The following NHSL1 variants were observed in gnomAD, a reference collection of about 807,000 sequenced individuals.
NHSL1 encodes NHS like 1, also known as NHS-like protein 1.
A neutral mutation model predicts 95.0 loss-of-function variants in NHSL1; 48 were observed. The ratio of observed to expected loss-of-function variants is 0.51; its 90% confidence interval spans 0.40 to 0.64. The LOEUF (loss-of-function observed/expected upper bound fraction) is 0.64. NHSL1 is among the 30% of genes least tolerant of loss of function. The pLI is 0.00. For missense variants in NHSL1, 1,971 were observed against 2,077.7 expected (o/e 0.95, Z 1.00); for synonymous variants, 783 against 833.9 (o/e 0.94, Z 1.05).
intron 1 of NHSL1, among the ~76,000 whole-genome samples, chr6:138,641,705 T>C (rs1784961821): frequency 6.6e-6 from 1 of 151,502 alleles, no homozygotes; most frequent in African/African-American, 2.4e-5. Context: ...CATCACTACC[T>C]TCCCAGGAAT....
rs1267828753 is a variant in NHSL1 at position 138,623,457 on chromosome 6, T to C, written c.96+69019A>G. Among the ~76,000 whole-genome samples, 3 of 152,194 alleles carry C rather than the reference T, an allele frequency of 2.0e-5. 1 individual carries two copies. The highest frequency in any genetic ancestry group is 7.2e-5 in the African/African-American group (3 of 41,434). ...GTGTACAACATGAAGTTTTGATATA[T>C]GTATATATTATAGAATGCTAAATCA... is the stretch of plus-strand genomic sequence containing the variant. On this transcript the variant is annotated intron_variant, in intron 1 of 3. Transcript: ENST00000491526.
At chr6:138,492,080 C>T (rs1389053980) in intron 2 of NHSL1, among the ~76,000 whole-genome samples, 2 of 152,188 alleles carry the variant, frequency 1.3e-5, no homozygotes, top group Non-Finnish European at 2.9e-5. Context: ...TTATCAAAGT[C>T]TCCAGAGACT....
chr6:138,464,800 C>T (rs944910812), intron 3 of NHSL1, among the ~76,000 whole-genome samples: 1 of 146,580 alleles, frequency 6.8e-6, no homozygotes, highest in Non-Finnish European at 1.5e-5. Flanking sequence ...GCAACCTCTG[C>T]CTCGCAGGTT....
Position 138,484,864 on chromosome 6 carries a change from A to T in NHSL1, c.211+11355T>A, listed in dbSNP as rs540248298. On this transcript the variant is annotated intron_variant, in intron 2 of 7. Transcript: ENST00000343505. ...TTCATTGCACACCATGGCAAGAATTATTATTAAAATGTCATTTGCCATTGC... is the reference window on the plus strand; with the variant it reads ...TTCATTGCACACCATGGCAAGAATTTTTATTAAAATGTCATTTGCCATTGC... 1.1e-4 allele frequency among the ~76,000 whole-genome samples: 16 copies of T among 152,206 alleles called. No individual in the cohort carries two copies. In the South Asian group the frequency reaches 3.1e-3, roughly 30 times the overall value.
intron 1 of NHSL1, among the ~76,000 whole-genome samples, chr6:138,570,400 C>T (rs955269908): frequency 4.6e-5 from 7 of 152,190 alleles, no homozygotes; most frequent in East Asian, 1.9e-4. Context: ...GTAAAGTTCA[C>T]GGACTTACTA....
intron 1 of NHSL1, chr6:138,651,007 A>G (rs1449120148): frequency 2.2e-6 from 1 of 457,662 alleles, no homozygotes; most frequent in Non-Finnish European, 4.3e-6. Flanking sequence ...CCTTAATTAA[A>G]GCAAGTTCGA....
At chr6:138,446,180 C>G (rs927436460) in intron 4 of NHSL1, among the ~76,000 whole-genome samples, 1 of 151,944 alleles carries the variant, frequency 6.6e-6, no homozygotes, top group East Asian at 1.9e-4. Flanking sequence ...TGGGATTACA[C>G]GCACGTGCCA....
intron 1 of NHSL1, among the ~76,000 whole-genome samples, chr6:138,619,947 CAAA>C (rs11376703): frequency 6.9e-4 from 71 of 102,178 alleles, no homozygotes; most frequent in African/African-American, 1.5e-3. Context: ...AACTCTATCA[CAAA>C]AAAAAAAAAA....
In NHSL1 at chr6:138,531,214, G is replaced by A. The variant is rs557399334; in HGVS notation, c.16+14409C>T. Among the ~76,000 whole-genome samples, 21 of 152,214 alleles carry A rather than the reference G, an allele frequency of 1.4e-4. No homozygotes were observed. The South Asian group carries it at 3.5e-3, about 26-fold the overall frequency. ...TAAGATATAAATCAAAAATTAAACT[G>A]TTTGTCTGCATTTTCTTGAATGGGT... On this transcript the variant is annotated intron_variant, in intron 1 of 4. Transcript: ENST00000342260.
At chr6:138,590,211 T>C (rs1336730853) in intron 1 of NHSL1, among the ~76,000 whole-genome samples, 1 of 152,186 alleles carries the variant, frequency 6.6e-6, no homozygotes, top group Non-Finnish European at 1.5e-5. Context: ...TTGGCCAGGC[T>C]GGTCTCAAAC....
intron 1 of NHSL1, among the ~76,000 whole-genome samples, chr6:138,620,004 C>G (rs1165657623): frequency 6.9e-6 from 1 of 144,188 alleles, no homozygotes; most frequent in Non-Finnish European, 1.5e-5. Flanking sequence ...CAAACAAAAG[C>G]AAAAACAAAA....
At chr6:138,473,207 A>C in intron 3 of NHSL1, 99 bp downstream of exon 3, 2 of 1,085,158 alleles carry the variant, frequency 1.8e-6, no homozygotes, top group Non-Finnish European at 1.2e-6. Flanking sequence ...CTATTGATTA[A>C]AATACAGGCT....
chr6:138,629,159 A>G (rs1214394988), intron 1 of NHSL1, among the ~76,000 whole-genome samples: 1 of 152,216 alleles, frequency 6.6e-6, no homozygotes, highest in Admixed American at 6.5e-5. Flanking sequence ...TATTCTCCTT[A>G]TAATGTAACT....
chr6:138,576,579 A>G (rs1481403131), upstream of NHSL1, among the ~76,000 whole-genome samples: 1 of 152,160 alleles, frequency 6.6e-6, no homozygotes, highest in Non-Finnish European at 1.5e-5. Flanking sequence ...GCTGAGCTTC[A>G]GGCCTTAGGA....
At position 138,446,997 on chromosome 6, in the gene NHSL1, G is replaced by C. The variant is rs775618818; in HGVS notation, c.532+4C>G. 6.4e-7 allele frequency: 1 copy of C among 1,551,214 alleles called. No individual in the cohort carries two copies. Among genetic ancestry groups the C allele is most frequent in the Non-Finnish European group, 8.7e-7 (1 of 1,146,686 alleles). On this transcript the variant is annotated splice_donor_region_variant and intron_variant, in intron 4 of 7. Transcript: ENST00000343505. ...TCTGAACCTGTCTGGCTAGCAAAGC[G>C]TACCAGTTATGTTAATAGGCACCAC...
At chr6:138,533,576 T>A (rs1335630982) in intron 1 of NHSL1, among the ~76,000 whole-genome samples, 1 of 152,156 alleles carries the variant, frequency 6.6e-6, no homozygotes, top group African/African-American at 2.4e-5. Flanking sequence ...ATTTAAAAAA[T>A]ACACATTTAA....
chr6:138,611,645 C>G (rs920090608), intron 1 of NHSL1, among the ~76,000 whole-genome samples: 1 of 152,070 alleles, frequency 6.6e-6, no homozygotes, highest in African/African-American at 2.4e-5. Flanking sequence ...ACTCGGGAGG[C>G]TGAGGCAGGA....
intron 2 of NHSL1, among the ~76,000 whole-genome samples, chr6:138,476,590 G>A (rs147870647): frequency 8.0e-4 from 122 of 152,206 alleles, no homozygotes; most frequent in Non-Finnish European, 1.6e-3. Flanking sequence ...ACTATGGGAG[G>A]CCGAGGCAGG....
At chr6:138,667,954 T>C (rs1785315682) in intron 1 of NHSL1, among the ~76,000 whole-genome samples, 1 of 152,260 alleles carries the variant, frequency 6.6e-6, no homozygotes, top group African/African-American at 2.4e-5. Flanking sequence ...AGTTCTATAA[T>C]TTTAATAGTT....
Sources: allele counts gnomAD v4.1 joint callset (sites outside exome capture counted in the v4.1 genomes callset), GRCh38; gene constraint gnomAD v4.1.1; transcripts MANE v1.5; gene names NCBI Gene and HGNC (gene_info 2026-07-23, HGNC 2026-07-21).